CREBBP: variants seen among roughly 807,000 people sequenced by gnomAD.
CREBBP encodes the protein CREB-binding protein.
In CREBBP, 19 loss-of-function variants were observed where a neutral mutation model predicts 265.0. The ratio of observed to expected loss-of-function variants is 0.07; its 90% CI spans 0.05 to 0.11. CREBBP has a LOEUF of 0.11. CREBBP is among the 10% of genes least tolerant of loss of function. CREBBP has a pLI of 1.00. For synonymous variants in CREBBP, 1,457 were observed against 1,223.7 expected (o/e 1.19, Z -3.98); for missense variants, 2,525 against 3,219.0 (o/e 0.78, Z 5.22).
intron 14 of CREBBP, 78 bp from the exon 15 acceptor site, chr16:3,769,431 T>G: frequency 1.3e-6 from 2 of 1,541,930 alleles, no homozygotes; most frequent in Non-Finnish European, 1.8e-6. Context: ...TCATGCAACC[T>G]ACAATTTCCC....
intron 3 of CREBBP, among the ~76,000 whole-genome samples, chr16:3,803,125 T>C (rs2053752200): frequency 1.3e-5 from 2 of 152,024 alleles, no homozygotes; most frequent in African/African-American, 2.4e-5. Flanking sequence ...GAAATGTTTC[T>C]TGTGTTTTCT....
At chr16:3,822,234 T>C (rs1302914866) in intron 2 of CREBBP, among the ~76,000 whole-genome samples, 1 of 152,116 alleles carries the variant, frequency 6.6e-6, no homozygotes, top group Admixed American at 6.5e-5. Flanking sequence ...TCCACGGATC[T>C]ACACTCCACT....
At chr16:3,812,494 TAA>T (rs1353216785) in intron 2 of CREBBP, among the ~76,000 whole-genome samples, 1 of 151,688 alleles carries the variant, frequency 6.6e-6, no homozygotes, top group Non-Finnish European at 1.5e-5. Context: ...TTTTCCATAA[TAA>T]AGTTTTTTAT....
chr16:3,822,624 G>A (rs1567340122), intron 2 of CREBBP, among the ~76,000 whole-genome samples: 1 of 152,190 alleles, frequency 6.6e-6, no homozygotes, highest in Non-Finnish European at 1.5e-5. Context: ...TCAGTGGCAA[G>A]AGGAGGACTG....
At chr16:3,818,451 G>C (rs2054081481) in intron 2 of CREBBP, among the ~76,000 whole-genome samples, 1 of 151,988 alleles carries the variant, frequency 6.6e-6, no homozygotes, top group Non-Finnish European at 1.5e-5. Flanking sequence ...GGGACTACAG[G>C]CGCGTGCCAC....
In CREBBP at chr16:3,728,062, G is replaced by T; in HGVS notation, c.6985C>A (p.His2329Asn). 6.2e-7 allele frequency: 1 copy of T among 1,613,844 alleles called. No individual in the cohort carries two copies. Among genetic ancestry groups the T allele is most frequent in the Non-Finnish European group, 8.5e-7 (1 of 1,179,748 alleles). Residue 2329 changes from histidine to asparagine, a missense_variant, in exon 31 of 31, where the codon CAT becomes AAT. Physicochemically the swap from His to Asn is moderately conservative, Grantham distance 68. Around this residue, in one of 19 missense-constraint regions of CREBBP, gnomAD observed 473 missense variants for 459.3 expected, o/e 1.03. Transcript: ENST00000262367. This position sits in a 1 kb window ranked among gnomAD's most constrained non-coding sequence, Gnocchi z 8.7. ...HMLSGQPQAS[H>N]LPGQQIATSL... is the part of the protein sequence containing the mutation. Reference sequence around the variant, plus strand: ...GTGGCGATCTGCTGGCCAGGGAGATGCGAGGCCTGTGGCTGTCCTGAGAGC... The same window carrying T: ...GTGGCGATCTGCTGGCCAGGGAGATTCGAGGCCTGTGGCTGTCCTGAGAGC...
intron 13 of CREBBP, among the ~76,000 whole-genome samples, chr16:3,772,915 C>CAAAAAAAAAAAAAA (rs144154476): frequency 5.6e-5 from 5 of 88,784 alleles, no homozygotes; most frequent in Non-Finnish European, 6.4e-5. Context: ...ACTAAAAATA[C>CAAAAAAAAAAAAAA]AAAAAAAAAA....
chr16:3,880,070 G>A lies in CREBBP; in HGVS notation c.-154C>T, dbSNP rs974525392. 1.0e-5 allele frequency: 4 copies of A among 394,846 alleles called. No individual in the cohort carries two copies. The highest frequency in any genetic ancestry group is 5.2e-5 in the Admixed American group (1 of 19,122). 24.5% of individuals were successfully genotyped at this position (394,846 alleles called of 1,614,324 possible). A position where few individuals can be genotyped will look rare whatever the true frequency, so the allele number is the denominator to read the frequency against. ...CCGAGGGAGAGGGAGGGCGCAGGCC[G>A]GGTGGGGGAGGCGGCGGCCAAATCT... On this transcript the variant is annotated 5_prime_UTR_variant, in exon 1 of 31. Coordinates refer to ENST00000262367, the MANE Select transcript of CREBBP (RefSeq NM_004380.3).
intron 3 of CREBBP, among the ~76,000 whole-genome samples, chr16:3,808,121 G>A (rs1028221772): frequency 1.3e-5 from 2 of 150,678 alleles, no homozygotes; most frequent in African/African-American, 4.9e-5. Context: ...AAAGAGAGGG[G>A]GTGGGGAGAG....
At chr16:3,867,810 T>C (rs975213943) in intron 1 of CREBBP, among the ~76,000 whole-genome samples, 2 of 150,106 alleles carry the variant, frequency 1.3e-5, no homozygotes, top group African/African-American at 4.9e-5. Context: ...GCACCTGTCA[T>C]CCTAGCTACT....
rs1036266307 is a variant in CREBBP at position 3,770,572 on chromosome 16, G to T, written c.2878C>A (p.Pro960Thr). Reference protein sequence around the residue: ...TPVHAQPPGTPLSQAAASIDN... With the variant: ...TPVHAQPPGTTLSQAAASIDN... ...ACAGCAGAGACAGAGAGGCTTACCG[G>T]TGTGCCAGGAGGCTGGGCGTGCACA... is the stretch of plus-strand genomic sequence containing the variant. Residue 960 changes from proline (P) to threonine (T), a missense_variant and splice_region_variant, in exon 14 of 31, where the codon CCG (proline) becomes ACG (threonine). Pro to Thr is a conservative substitution (Grantham distance 38). Around this residue, in one of 19 missense-constraint regions of CREBBP, gnomAD observed 548 missense variants for 533.0 expected, o/e 1.03. Coordinates refer to ENST00000262367, the MANE Select transcript of CREBBP (RefSeq NM_004380.3). The T allele has an allele frequency of 2.5e-6, 4 of 1,612,982 alleles. No homozygotes were observed. The highest frequency in any genetic ancestry group is 3.4e-6 in the Non-Finnish European group (4 of 1,179,962).
At chr16:3,758,789 TA>T in intron 17 of CREBBP, 64 bp downstream of exon 17, 1 of 1,210,340 alleles carries the variant, frequency 8.3e-7, no homozygotes, top group Non-Finnish European at 1.2e-6. Context: ...TTTCAAGAGA[TA>T]AAACAATGGA....
chr16:3,854,941 A>C (rs1471865258), intron 1 of CREBBP, among the ~76,000 whole-genome samples: 2 of 152,230 alleles, frequency 1.3e-5, no homozygotes, highest in East Asian at 3.8e-4. Flanking sequence ...TGCAGACGAA[A>C]TAACACTGTT....
chr16:3,849,419 GTGTGTGTGT>G (rs2054742960), intron 2 of CREBBP, among the ~76,000 whole-genome samples: 2 of 7,732 alleles, frequency 2.6e-4, no homozygotes, highest in African/African-American at 3.3e-4. Context: ...GTGTGTGTGT[GTGTGTGTGT>G]GTGTGTGTGT....
At chr16:3,779,933 GTCTC>G (rs920866230) in intron 8 of CREBBP, among the ~76,000 whole-genome samples, 4 of 151,724 alleles carry the variant, frequency 2.6e-5, no homozygotes, top group African/African-American at 9.7e-5. Flanking sequence ...GCAAGACTCC[GTCTC>G]TCTCTCTCAA....
intron 3 of CREBBP, among the ~76,000 whole-genome samples, chr16:3,793,986 A>C (rs921452723): frequency 3.3e-5 from 5 of 152,200 alleles, no homozygotes; most frequent in African/African-American, 1.2e-4. Context: ...GTAGGTCCCA[A>C]ATGGCCAAAC....
intron 19 of CREBBP, among the ~76,000 whole-genome samples, chr16:3,755,626 G>A (rs546348817): frequency 4.8e-4 from 73 of 152,226 alleles, no homozygotes; most frequent in Non-Finnish European, 1.5e-5. Flanking sequence ...GAAGGTCATG[G>A]GGCTAAAAGC....
At chr16:3,778,250 T>C in intron 9 of CREBBP, 68 bp from the exon 10 acceptor site, 2 of 1,334,188 alleles carry the variant, frequency 1.5e-6, no homozygotes, top group Non-Finnish European at 2.1e-6. Context: ...ATCTGTGTTG[T>C]AGGTTCTAAC....
chr16:3,835,383 G>C (rs924786000), intron 2 of CREBBP, among the ~76,000 whole-genome samples: 1 of 151,744 alleles, frequency 6.6e-6, no homozygotes, highest in Non-Finnish European at 1.5e-5. Flanking sequence ...CCATCCTTAC[G>C]TGGCAAGCCA....
Sources: allele counts gnomAD v4.1 joint callset (sites outside exome capture counted in the v4.1 genomes callset), GRCh38; gene constraint gnomAD v4.1.1; regional missense constraint gnomAD v4.1.1; non-coding constraint Gnocchi (gnomAD v3.1); transcripts MANE v1.5; gene names NCBI Gene and HGNC (gene_info 2026-07-23, HGNC 2026-07-21).